The following NAALADL2 variants were observed in gnomAD, a reference collection of about 807,000 sequenced individuals.
NAALADL2 encodes the protein N-acetylated alpha-linked acidic dipeptidase like 2.
NAALADL2 carries 76 observed loss-of-function variants against 87.2 expected under a neutral mutation model. The ratio of observed to expected loss-of-function variants is 0.87; its 90% CI spans 0.72 to 1.05. The LOEUF (loss-of-function observed/expected upper bound fraction) is 1.05, where lower values mean the gene tolerates loss of function less well. Ranked by LOEUF, NAALADL2 falls within the 50% of genes least tolerant of loss-of-function variation. The pLI is 0.00. For missense variants in NAALADL2, 1,089 were observed against 945.8 expected (o/e 1.15, Z -1.99); for synonymous variants, 354 against 331.0 (o/e 1.07, Z -0.75).
intron 1 of NAALADL2, among the ~76,000 whole-genome samples, chr3:174,890,598 T>C (rs1025900257): frequency 1.3e-5 from 2 of 152,128 alleles, no homozygotes; most frequent in African/African-American, 4.8e-5. Flanking sequence ...GGTGAAGTGG[T>C]TGAGGGAATT....
intron 12 of NAALADL2, among the ~76,000 whole-genome samples, chr3:175,751,086 T>A (rs1282099164): frequency 6.6e-6 from 1 of 152,146 alleles, no homozygotes; most frequent in Non-Finnish European, 1.5e-5. Context: ...TAAGCTTGAT[T>A]TTTAATATTT....
chr3:175,429,176 TACACACACACACACAC>T (rs749991023), intron 5 of NAALADL2, among the ~76,000 whole-genome samples: 18 of 125,510 alleles, frequency 1.4e-4, no homozygotes, highest in African/African-American at 5.0e-4. Context: ...TATATATATG[TACACACACACACACAC>T]ACACACACAC....
chr3:175,085,594 A>G (rs1416797990), intron 1 of NAALADL2, among the ~76,000 whole-genome samples: 2 of 152,168 alleles, frequency 1.3e-5, no homozygotes, highest in African/African-American at 4.8e-5. Context: ...AGAGAAGACA[A>G]CGGATACATT....
At chr3:174,868,557 A>G (rs1727428830) in intron 1 of NAALADL2, among the ~76,000 whole-genome samples, 1 of 152,058 alleles carries the variant, frequency 6.6e-6, no homozygotes, top group Non-Finnish European at 1.5e-5. Context: ...CGCTGAATTC[A>G]TGTGATTATA....
chr3:175,093,596 T>A (rs1055920913), intron 1 of NAALADL2, among the ~76,000 whole-genome samples: 3 of 149,390 alleles, frequency 2.0e-5, no homozygotes, highest in African/African-American at 7.3e-5. Context: ...ATTTGATATA[T>A]AAAATATATA....
chr3:175,334,127 T>C (rs1323699521), intron 5 of NAALADL2, among the ~76,000 whole-genome samples: 1 of 152,182 alleles, frequency 6.6e-6, no homozygotes, highest in Non-Finnish European at 1.5e-5. Flanking sequence ...TCTCCAAAAA[T>C]CTCTAGATCC....
intron 2 of NAALADL2, among the ~76,000 whole-genome samples, chr3:174,617,061 A>G (rs984524250): frequency 1.3e-5 from 2 of 151,808 alleles, no homozygotes; most frequent in African/African-American, 4.8e-5. Flanking sequence ...TTAACTTTGT[A>G]TGGGTATTAA....
chr3:175,259,764 C>T (rs1750690500), intron 4 of NAALADL2, among the ~76,000 whole-genome samples: 3 of 152,092 alleles, frequency 2.0e-5, no homozygotes, highest in African/African-American at 7.2e-5. Flanking sequence ...TCTAACCTGG[C>T]CGGTCATGGT....
intron 2 of NAALADL2, among the ~76,000 whole-genome samples, chr3:174,605,431 G>A (rs1487437367): frequency 6.6e-5 from 10 of 152,224 alleles, no homozygotes; most frequent in Non-Finnish European, 1.5e-4. Flanking sequence ...AGGGGTGACA[G>A]ACGGCACCTG....
chr3:174,904,515 A>G (rs1732742845), intron 1 of NAALADL2, among the ~76,000 whole-genome samples: 1 of 151,910 alleles, frequency 6.6e-6, no homozygotes, highest in East Asian at 1.9e-4. Flanking sequence ...TAGCAATTCT[A>G]AATTGTTTTG....
At chr3:175,455,254 A>G (rs1234288865) in intron 6 of NAALADL2, among the ~76,000 whole-genome samples, 1 of 152,084 alleles carries the variant, frequency 6.6e-6, no homozygotes, top group Non-Finnish European at 1.5e-5. Context: ...AAGCCAAAGA[A>G]TAAAAGAACC....
chr3:175,593,113 A>G (rs1721756395), intron 10 of NAALADL2, among the ~76,000 whole-genome samples: 1 of 152,030 alleles, frequency 6.6e-6, no homozygotes, highest in Admixed American at 6.6e-5. Flanking sequence ...CCCATCACCT[A>G]GGTATTAAGC....
chr3:175,324,164 C>G lies in NAALADL2; in HGVS notation c.940-11C>G, dbSNP rs543222157. 6.2e-7 allele frequency: 1 copy of G among 1,610,570 alleles called. No homozygotes were observed. Among genetic ancestry groups the G allele is most frequent in the East Asian group, 2.2e-5 (1 of 44,664 alleles). On this transcript the variant is annotated splice_polypyrimidine_tract_variant and intron_variant, in intron 4 of 13. Coordinates refer to ENST00000454872, the MANE Select transcript of NAALADL2 (RefSeq NM_207015.3). Reference sequence around the variant, plus strand: ...TGATAATATTTTTAATAGCTTGCTTCCCTCTTTTAGCTTTCCTCATTGGAA... The same window carrying G: ...TGATAATATTTTTAATAGCTTGCTTGCCTCTTTTAGCTTTCCTCATTGGAA...
chr3:175,058,052 G>A (rs1300190726), intron 1 of NAALADL2, among the ~76,000 whole-genome samples: 2 of 152,120 alleles, frequency 1.3e-5, no homozygotes, highest in Admixed American at 1.3e-4. Context: ...TAGCACTCTA[G>A]ACATATTTGA....
chr3:175,243,342 A>ACACACG (rs745814999), intron 3 of NAALADL2, among the ~76,000 whole-genome samples: 11 of 150,838 alleles, frequency 7.3e-5, no homozygotes, highest in Non-Finnish European at 1.0e-4. Context: ...ACACACACAC[A>ACACACG]CACGCACGCA....
chr3:174,622,910 G>T (rs944098897), intron 2 of NAALADL2, among the ~76,000 whole-genome samples: 2 of 152,154 alleles, frequency 1.3e-5, no homozygotes, highest in Non-Finnish European at 2.9e-5. Flanking sequence ...AGGCGTGGTG[G>T]CAGGCACCTA....
At position 175,682,539 on chromosome 3, in the gene NAALADL2, C is replaced by G. The variant is rs1735730268; in HGVS notation, c.1897-54767C>G. On this transcript the variant is annotated intron_variant, in intron 11 of 13. Transcript: ENST00000454872. Reference sequence around the variant, plus strand: ...AGATTGTAAAACAGATTGAGGAACTCTAATATTTACACAAAACAAATATCA... The same window carrying G: ...AGATTGTAAAACAGATTGAGGAACTGTAATATTTACACAAAACAAATATCA... Among the ~76,000 whole-genome samples the G allele has an allele frequency of 2.0e-5, 3 of 151,786 alleles. No homozygotes were observed. The South Asian group carries it at 6.2e-4, about 32-fold the overall frequency.
At chr3:175,148,125 A>AT (rs1417483172) in intron 2 of NAALADL2, among the ~76,000 whole-genome samples, 3,657 of 137,794 alleles carry the variant, frequency 0.027, 89 homozygotes, top group East Asian at 0.097. Context: ...AATAATAATA[A>AT]AATAATAATA....
In NAALADL2 at chr3:175,357,002, T is replaced by C. The variant is rs540781027; in HGVS notation, c.1090+32677T>C. 5.3e-5 allele frequency among the ~76,000 whole-genome samples: 8 copies of C among 152,314 alleles called. No homozygotes were observed. In the South Asian group the frequency reaches 1.7e-3, roughly 32 times the overall value. On this transcript the variant is annotated intron_variant, in intron 5 of 13. Coordinates refer to ENST00000454872, the MANE Select transcript of NAALADL2 (RefSeq NM_207015.3). The stretch of plus-strand genomic sequence containing the variant: ...CTTCTTGTTTATTTTGGAGTCTCTT[T>C]GCTTACGTTATTTTCAAACCGAGCT...
Sources: gnomAD v4.1 joint callset for allele counts (sites outside exome capture counted in the v4.1 genomes callset) on GRCh38, gnomAD v4.1.1 for gene constraint, MANE v1.5 for transcripts, NCBI Gene and HGNC (gene_info 2026-07-23, HGNC 2026-07-21) for gene names.